The following CPAMD8 variants were observed in gnomAD, a reference collection of about 807,000 sequenced individuals.
CPAMD8 encodes the protein C3 and PZP-like alpha-2-macroglobulin domain-containing protein 8.
A neutral mutation model predicts 224.7 loss-of-function variants in CPAMD8; 146 were observed. The ratio of observed to expected loss-of-function variants is 0.65; its 90% CI spans 0.57 to 0.75. CPAMD8 has a LOEUF of 0.75. Among genes scored for constraint, CPAMD8 ranks in the 30% least tolerant of loss-of-function variants. The probability of loss-of-function intolerance (pLI) is 0.00; values close to 1 mark genes in which losing one functional copy is unlikely to be tolerated. For missense variants in CPAMD8, 2,301 were observed against 2,537.5 expected, an observed-to-expected ratio of 0.91 and a Z score of 2.00; for synonymous variants, 966 against 1,044.6, an observed-to-expected ratio of 0.92 and a Z score of 1.45.
At chr19:17,003,381 T>G (rs2056392547) in intron 8 of CPAMD8, among the ~76,000 whole-genome samples, 1 of 151,750 alleles carries the variant, frequency 6.6e-6, no homozygotes, top group South Asian at 2.1e-4. Flanking sequence ...TTTTAAAGTT[T>G]TATACAGACA....
At chr19:16,929,303 T>C in intron 23 of CPAMD8, 63 bp from the exon 24 acceptor site, 2 of 1,400,624 alleles carry the variant, frequency 1.4e-6, no homozygotes, top group Admixed American at 1.8e-5. Context: ...CTTTCCCTGA[T>C]GGTACCTGGA....
rs116127817 is a variant in CPAMD8 at position 16,993,001 on chromosome 19, G to A, written c.1266+415C>T. ...TTCCACTGAGCACCCGTGAGGTGGC[G>A]GAAACCACCATTGGCTCTCTCCCCA... On this transcript the variant is annotated intron_variant, in intron 12 of 41. Transcript: ENST00000443236. Among the ~76,000 whole-genome samples the A allele has an allele frequency of 7.2e-3, 1,097 of 151,922 alleles. 14 individuals carry two copies. The highest frequency in any genetic ancestry group is 0.024 in the African/African-American group (985 of 41,442).
intron 29 of CPAMD8, among the ~76,000 whole-genome samples, chr19:16,913,916 G>C (rs1302294263): frequency 2.0e-5 from 3 of 152,132 alleles, no homozygotes; most frequent in Admixed American, 6.6e-5. Context: ...TGCAGAGACT[G>C]TGCCATCCCC....
intron 22 of CPAMD8, among the ~76,000 whole-genome samples, chr19:16,939,205 ATC>A (rs1228862922): frequency 1.2e-4 from 18 of 150,918 alleles, no homozygotes; most frequent in African/African-American, 3.6e-4. Flanking sequence ...CTATCTATGT[ATC>A]TATCTATCTA....
intron 7 of CPAMD8, among the ~76,000 whole-genome samples, chr19:17,008,229 G>C (rs1220285090): frequency 6.6e-6 from 1 of 152,208 alleles, no homozygotes; most frequent in Non-Finnish European, 1.5e-5. Context: ...CTTGAGTTCT[G>C]AGCAGGAGCC....
At chr19:17,015,771 GGA>G (rs2056794870) in intron 3 of CPAMD8, among the ~76,000 whole-genome samples, 1 of 152,202 alleles carries the variant, frequency 6.6e-6, no homozygotes, top group African/African-American at 2.4e-5. Flanking sequence ...TGGGCAGGAG[GGA>G]GATACCGGAG....
In CPAMD8 at chr19:16,928,059, A is replaced by AC. The variant is rs751113599; in HGVS notation, c.3319dup (p.Val1107GlyfsTer10). ...AGACCCAGGGATGGCGCCGTGTGGG[A>AC]CCCCCAGGGTGAAGGCCTCGCTGTA... On this transcript the variant is annotated frameshift_variant, in exon 25 of 42. Coordinates refer to ENST00000443236, the MANE Select transcript of CPAMD8 (RefSeq NM_015692.5). LOFTEE classifies it high-confidence loss of function. The AC allele has an allele frequency of 6.2e-6, 10 of 1,613,432 alleles. No individual in the cohort carries two copies. The highest frequency in any genetic ancestry group is 1.7e-5 in the Admixed American group (1 of 59,978).
At chr19:16,984,633 G>T (rs1331693242) in intron 13 of CPAMD8, among the ~76,000 whole-genome samples, 1 of 152,206 alleles carries the variant, frequency 6.6e-6, no homozygotes, top group African/African-American at 2.4e-5. Flanking sequence ...GAAAATGTCT[G>T]CAAATTACAC....
At chr19:16,998,592 C>T (rs993825560) in intron 10 of CPAMD8, among the ~76,000 whole-genome samples, 3 of 152,018 alleles carry the variant, frequency 2.0e-5, no homozygotes, top group African/African-American at 7.2e-5. Flanking sequence ...GGGGAGGAGC[C>T]GGTGCTGAAA....
At chr19:17,011,791 T>C in intron 3 of CPAMD8, 34 bp from the exon 4 acceptor site, 1 of 1,603,164 alleles carries the variant, frequency 6.2e-7, no homozygotes, top group Non-Finnish European at 8.5e-7. Flanking sequence ...GGGACAAGAA[T>C]TCACCCTGGA....
At chr19:16,968,137 C>T (rs2122603463) in intron 18 of CPAMD8, among the ~76,000 whole-genome samples, 1 of 152,144 alleles carries the variant, frequency 6.6e-6, no homozygotes, top group Admixed American at 6.5e-5. Flanking sequence ...TGGGTCAGGG[C>T]CTCTGGGGTG....
chr19:16,945,712 G>C, intron 21 of CPAMD8, 33 bp from the exon 22 acceptor site: 3 of 1,611,288 alleles, frequency 1.9e-6, no homozygotes, highest in Non-Finnish European at 2.5e-6. Context: ...TCTCAGAACA[G>C]GTCTCCACCC....
chr19:16,913,862 G>T (rs8112871), intron 29 of CPAMD8, among the ~76,000 whole-genome samples: 35,823 of 151,986 alleles, frequency 0.24, 4,647 homozygotes, highest in African/African-American at 0.29. Flanking sequence ...AGGGAGGGCA[G>T]ATTCTTCTCA....
chr19:16,914,880 A>G (rs1361960649), intron 27 of CPAMD8, 67 bp from the exon 28 acceptor site: 6 of 1,230,406 alleles, frequency 4.9e-6, no homozygotes, highest in Non-Finnish European at 6.8e-6. Flanking sequence ...TGGCTGAGGG[A>G]TTGCAGCAAG....
chr19:16,899,468 G>A lies in CPAMD8; in HGVS notation c.4848+7C>T, dbSNP rs1488488552. 7 of 1,434,108 alleles carry A rather than the reference G, an allele frequency of 4.9e-6. No homozygotes were observed. The East Asian group carries it at 1.4e-4, about 28-fold the overall frequency. The allele number at this position is 1,434,108 out of a possible 1,614,324, so 88.8% of individuals were successfully genotyped here. On this transcript the variant is annotated splice_region_variant and intron_variant, in intron 37 of 41. Transcript: ENST00000443236. The surrounding 1 kb of genome is among the most constrained non-coding windows in gnomAD (Gnocchi z 5.4). ...AAGCCTCCTCCACCAACCCCGGCTG[G>A]TGGTACCTCATCAAAGTAGAAGAGC...
chr19:16,896,658 G>T lies in CPAMD8; in HGVS notation c.5073C>A (p.Phe1691Leu). 1.4e-6 allele frequency: 2 copies of T among 1,460,110 alleles called. No homozygotes were observed. Among genetic ancestry groups the T allele is most frequent in the Non-Finnish European group, 1.8e-6 (2 of 1,108,896 alleles). The allele number at this position is 1,460,110 out of a possible 1,614,324, so 90.4% of individuals were successfully genotyped here. A position where few individuals can be genotyped will look rare whatever the true frequency, so the allele number is the denominator to read the frequency against. Residue 1691 changes from phenylalanine (F) to leucine (L), a missense_variant, in exon 40 of 42, where the codon TTC becomes TTA. By Grantham distance (22) the Phe-to-Leu change is conservative (BLOSUM62 0). Transcript: ENST00000443236. ...CCACGGCAGGGCCCGACTCGCCGGG[G>T]AACCAGCCTGGGGGACGAGGCAGGC... The part of the protein sequence containing the change: ...ERAPARGPGW[F>L]PGESGPAVAP...
At chr19:17,002,538 TG>T in intron 8 of CPAMD8, 188 bp from the exon 9 acceptor site, 1 of 511,854 alleles carries the variant, frequency 2.0e-6, no homozygotes. Context: ...TTCTCATCTT[TG>T]GGGGACTAGG....
intron 24 of CPAMD8, 119 bp from the exon 25 acceptor site, chr19:16,928,353 G>T: frequency 1.4e-6 from 1 of 733,294 alleles, no homozygotes; most frequent in Non-Finnish European, 2.3e-6. Flanking sequence ...CACAGTGCAA[G>T]GAAGGGTCTT....
chr19:17,014,418 A>G (rs191113293), intron 3 of CPAMD8, among the ~76,000 whole-genome samples: 1 of 152,218 alleles, frequency 6.6e-6, no homozygotes, highest in East Asian at 1.9e-4. Flanking sequence ...GTCATGCACT[A>G]TAAAAGCTCC....
Sources: allele counts gnomAD v4.1 joint callset (sites outside exome capture counted in the v4.1 genomes callset), GRCh38; gene constraint gnomAD v4.1.1; non-coding constraint Gnocchi (gnomAD v3.1); transcripts MANE v1.5; gene names NCBI Gene and HGNC (gene_info 2026-07-23, HGNC 2026-07-21).